Variants in SI observed in about 807,000 individuals in gnomAD.
The protein encoded by SI is sucrase-isomaltase, intestinal.
Under a neutral mutation model 253.3 loss-of-function variants are expected in SI, and 235 were observed. The observed-to-expected ratio is 0.93, with a 90% CI of 0.83 to 1.03. The LOEUF is 1.03. Among genes scored for constraint, SI ranks in the 50% least tolerant of loss-of-function variants. The probability of loss-of-function intolerance (pLI) is 0.00; values close to 1 mark genes in which losing one functional copy is unlikely to be tolerated. For missense variants in SI, 2,442 were observed against 2,211.1 expected, an observed-to-expected ratio of 1.10 and a Z score of -2.09; for synonymous variants, 819 against 712.0, an observed-to-expected ratio of 1.15 and a Z score of -2.39.
chr3:165,004,321 A>G (rs913031928), intron 37 of SI, among the ~76,000 whole-genome samples: 3 of 152,182 alleles, frequency 2.0e-5, no homozygotes, highest in African/African-American at 7.2e-5. Flanking sequence ...GAAGCTGTGG[A>G]GAAAAGGTAA....
chr3:165,067,517 T>C (rs1266698894), intron 5 of SI, 26 bp from the exon 6 acceptor site: 1 of 1,573,816 alleles, frequency 6.4e-7, no homozygotes, highest in Non-Finnish European at 8.7e-7. Context: ...CAAGGTAGCA[T>C]TACTGGATTC....
chr3:164,992,078 A>G, intron 43 of SI, 99 bp downstream of exon 43: 1 of 985,484 alleles, frequency 1.0e-6, no homozygotes, highest in Non-Finnish European at 1.6e-6. Context: ...ACTCTTTTTA[A>G]GTGGAAAGTA....
chr3:165,045,501 T>C (rs1713055580), intron 16 of SI, among the ~76,000 whole-genome samples: 1 of 152,028 alleles, frequency 6.6e-6, no homozygotes, highest in Non-Finnish European at 1.5e-5. Context: ...AATTGATCTA[T>C]TTTATTAAAA....
chr3:165,028,050 C>T (rs1712021801), intron 25 of SI, among the ~76,000 whole-genome samples: 2 of 151,336 alleles, frequency 1.3e-5, no homozygotes, highest in South Asian at 4.1e-4. Flanking sequence ...AAAGACTCCT[C>T]CAAAAAGCTC....
intron 12 of SI, among the ~76,000 whole-genome samples, chr3:165,058,168 C>T (rs1016437006): frequency 1.5e-4 from 22 of 151,656 alleles, no homozygotes; most frequent in Admixed American, 5.9e-4. Flanking sequence ...GAAAATTGAA[C>T]AATATGCTCC....
intron 16 of SI, among the ~76,000 whole-genome samples, chr3:165,043,921 C>T (rs944970550): frequency 6.6e-6 from 1 of 151,892 alleles, no homozygotes; most frequent in South Asian, 2.1e-4. Flanking sequence ...TATAAAAATT[C>T]TTCCGTGAAA....
rs1265036319 is a variant in SI at position 165,062,486 on chromosome 3, G to A, written c.908-3C>T. The A allele has an allele frequency of 1.4e-6, 2 of 1,481,426 alleles. No individual in the cohort carries two copies. The highest frequency in any genetic ancestry group is 1.1e-5 in the South Asian group (1 of 88,236). 91.8% of individuals were successfully genotyped at this position (1,481,426 alleles called of 1,614,324 possible). On this transcript the variant is annotated splice_region_variant and splice_polypyrimidine_tract_variant and intron_variant, in intron 8 of 47. Transcript: ENST00000264382. ...TGGAGTAGGCTGGATAAAAATCTCT[G>A]CAAAATAAAATTGGTAAACTTATAT...
chr3:165,045,339 C>T (rs1713047632), intron 16 of SI, among the ~76,000 whole-genome samples: 1 of 151,994 alleles, frequency 6.6e-6, no homozygotes, highest in South Asian at 2.1e-4. Context: ...ACTTAGCTAT[C>T]ACTTATATTT....
upstream of SI, among the ~76,000 whole-genome samples, chr3:165,079,250 G>A (rs985756932): frequency 6.6e-6 from 1 of 151,430 alleles, no homozygotes; most frequent in Non-Finnish European, 1.5e-5. Context: ...GAAATTGTGG[G>A]CAAAATACTA....
At chr3:165,013,103 T>A in intron 33 of SI, 61 bp from the exon 34 acceptor site, 2 of 1,036,470 alleles carry the variant, frequency 1.9e-6, no homozygotes, top group South Asian at 2.5e-5. Flanking sequence ...ATGATTGCTA[T>A]GTAGATGAAG....
rs11452619 is a variant in SI, at chr3:165,030,877, CAAAAAA to C, written c.2737-16_2737-11del. ...CTGCAATTAGGAGAACCTTTGAAGA[CAAAAAA>C]AAAAAAAGAAAAAAAGAAAAAAAAA... is the stretch of plus-strand genomic sequence containing the variant. On this transcript the variant is annotated splice_polypyrimidine_tract_variant and intron_variant, in intron 24 of 47. Coordinates refer to ENST00000264382, the MANE Select transcript of SI (RefSeq NM_001041.4). The C allele has an allele frequency of 1.2e-5, 15 of 1,219,776 alleles. No homozygotes were observed. The highest frequency in any genetic ancestry group is 3.9e-5 in the African/African-American group (2 of 51,520). The allele number at this position is 1,219,776 out of a possible 1,614,324, so 75.6% of individuals were successfully genotyped here.
intron 26 of SI, 32 bp from the exon 27 acceptor site, chr3:165,021,415 C>T: frequency 6.5e-7 from 1 of 1,548,054 alleles, no homozygotes; most frequent in Non-Finnish European, 8.9e-7. Flanking sequence ...AAAGTTTATT[C>T]TGATTGCTGA....
In SI at chr3:165,021,260, G is replaced by C; in HGVS notation, c.3223C>G (p.Gln1075Glu). The change falls in exon 27 of 48, where the codon CAG becomes GAG. Residue 1075 changes from glutamine to glutamate, a missense_variant. Transcript: ENST00000264382. ...CTTCCACTGCTTCTCCGTCGAATCTGGATGCCAAAAGGATTTTCCTTGATT... is the reference window on the plus strand; with the variant it reads ...CTTCCACTGCTTCTCCGTCGAATCTCGATGCCAAAAGGATTTTCCTTGATT... ...VEIKENPFGI[Q>E]IRRRSSGRVI... The C allele has an allele frequency of 6.2e-7, 1 of 1,611,092 alleles. No homozygotes were observed. The highest frequency in any genetic ancestry group is 8.5e-7 in the Non-Finnish European group (1 of 1,177,978).
At position 165,049,805 on chromosome 3, in the gene SI, G is replaced by A. The variant is rs746292703; in HGVS notation, c.1583C>T (p.Pro528Leu). 1.9e-6 allele frequency: 3 copies of A among 1,593,618 alleles called. No individual in the cohort carries two copies. Among genetic ancestry groups the A allele is most frequent in the Middle Eastern group, 1.8e-4 (1 of 5,440 alleles). Residue 528 changes from proline to leucine, a missense_variant, in exon 14 of 48, where the codon CCA becomes CTA. Transcript: ENST00000264382. ...ATAAATTTTACCAGGAGTAAACGGT[G>A]GATAATTCAATTTGTTTACATTACA... ...KGCNVNKLNY[P>L]PFTPDILDKL...
the SI span, among the ~76,000 whole-genome samples, chr3:165,087,337 G>A: frequency 2.0e-5 from 3 of 152,150 alleles, no homozygotes; most frequent in South Asian, 4.2e-4. Flanking sequence ...ATCAAACCAG[G>A]TAAAAAGCAT....
chr3:164,979,818 A>G (rs1460732372), intron 47 of SI, among the ~76,000 whole-genome samples: 1 of 151,840 alleles, frequency 6.6e-6, no homozygotes, highest in Non-Finnish European at 1.5e-5. Context: ...TTTCAGCCAA[A>G]GTTTAGATTT....
chr3:165,007,790 C>T (rs1286698449), intron 36 of SI, 121 bp downstream of exon 36: 1 of 296,320 alleles, frequency 3.4e-6, no homozygotes, highest in Non-Finnish European at 6.2e-6. Context: ...TTTATATATA[C>T]ATATATATTC....
intron 1 of SI, among the ~76,000 whole-genome samples, chr3:165,076,974 G>GTTTTTT (rs1234651334): frequency 7.3e-6 from 1 of 137,022 alleles, no homozygotes. Context: ...TAAAATCACG[G>GTTTTTT]TTTGTTTTTT....
At position 165,041,092 on chromosome 3, in the gene SI, A is replaced by G. The variant is rs764985629; in HGVS notation, c.2007T>C (p.His669=). The change falls in exon 18 of 48, where the codon CAT becomes CAC. Residue 669 remains histidine, a splice_region_variant and synonymous_variant. Coordinates refer to ENST00000264382, the MANE Select transcript of SI (RefSeq NM_001041.4). ...SRNHNSDGYE[H]QDPAFFGQNS... ...TCTGCCCAAAAAATGCAGGATCCTGATGCTGTGAGATAGAAAGAGAAATTA... is the reference window on the plus strand; with the variant it reads ...TCTGCCCAAAAAATGCAGGATCCTGGTGCTGTGAGATAGAAAGAGAAATTA... The G allele has an allele frequency of 1.6e-5, 26 of 1,612,248 alleles. No individual in the cohort carries two copies. The highest frequency in any genetic ancestry group is 2.1e-5 in the Non-Finnish European group (25 of 1,178,878).
Sources: allele counts gnomAD v4.1 joint callset (sites outside exome capture counted in the v4.1 genomes callset), GRCh38; gene constraint gnomAD v4.1.1; transcripts MANE v1.5; gene names NCBI Gene and HGNC (gene_info 2026-07-23, HGNC 2026-07-21).